GABRG3: variants seen among roughly 807,000 people sequenced by gnomAD.
GABRG3 encodes gamma-aminobutyric acid receptor subunit gamma-3.
GABRG3 carries 25 observed loss-of-function variants against 48.8 expected under a neutral mutation model. The observed-to-expected ratio is 0.51, with a 90% confidence interval of 0.37 to 0.72. GABRG3 has a LOEUF of 0.72. GABRG3 is among the 30% of genes least tolerant of loss of function. The probability of loss-of-function intolerance (pLI) is 0.00; values close to 1 mark genes in which losing one functional copy is unlikely to be tolerated. For synonymous variants in GABRG3, 227 were observed against 217.6 expected (o/e 1.04, Z -0.38); for missense variants, 394 against 577.9 (o/e 0.68, Z 3.26).
At chr15:27,259,000 G>T (rs1890698640) in intron 3 of GABRG3, among the ~76,000 whole-genome samples, 1 of 151,946 alleles carries the variant, frequency 6.6e-6, no homozygotes, top group Non-Finnish European at 1.5e-5. Flanking sequence ...AAAACATGTG[G>T]TATTTATCTG....
rs569831008 is a variant in GABRG3 at position 27,510,213 on chromosome 15, G to A, written c.713-9759G>A. The stretch of plus-strand genomic sequence containing the variant: ...GTGTGGGTGGTTGGATCAAGGGATG[G>A]TGAGATGTTATCTATGTTTGGAGTA... On this transcript the variant is annotated intron_variant, in intron 6 of 9. Coordinates refer to ENST00000615808, the MANE Select transcript of GABRG3 (RefSeq NM_033223.5). Among the ~76,000 whole-genome samples, 3 of 152,292 alleles carry A rather than the reference G, an allele frequency of 2.0e-5. No individual in the cohort carries two copies. In the East Asian group the frequency reaches 5.8e-4, roughly 29 times the overall value.
intron 3 of GABRG3, among the ~76,000 whole-genome samples, chr15:27,119,895 G>C (rs1318598360): frequency 6.6e-6 from 1 of 152,204 alleles, no homozygotes; most frequent in African/African-American, 2.4e-5. Flanking sequence ...GAGCACATCT[G>C]CTAGCAAGGC....
At chr15:27,238,944 A>G (rs1595605641) in intron 3 of GABRG3, among the ~76,000 whole-genome samples, 1 of 152,224 alleles carries the variant, frequency 6.6e-6, no homozygotes, top group African/African-American at 2.4e-5. Flanking sequence ...AACAAACAGA[A>G]ACCAAAATTT....
chr15:27,488,943 A>G (rs1454336942), intron 6 of GABRG3, among the ~76,000 whole-genome samples: 4 of 152,102 alleles, frequency 2.6e-5, no homozygotes, highest in Admixed American at 2.6e-4. Flanking sequence ...GGTTTGTTAC[A>G]TAGGTATACA....
At chr15:27,456,086 C>T (rs1889267226) in intron 5 of GABRG3, among the ~76,000 whole-genome samples, 1 of 152,120 alleles carries the variant, frequency 6.6e-6, no homozygotes, top group South Asian at 2.1e-4. Flanking sequence ...GACTATGGTC[C>T]CGCACTGCTT....
At chr15:27,402,720 A>G (rs566796744) in intron 5 of GABRG3, among the ~76,000 whole-genome samples, 99 of 152,340 alleles carry the variant, frequency 6.5e-4, no homozygotes, top group African/African-American at 2.3e-3. Flanking sequence ...GCCCCAAATT[A>G]TGTTTACAAA....
chr15:27,229,880 G>A (rs993594255), intron 3 of GABRG3, among the ~76,000 whole-genome samples: 4 of 152,194 alleles, frequency 2.6e-5, no homozygotes, highest in African/African-American at 9.6e-5. Context: ...CAGCTATTCA[G>A]GCTCTTTTTT....
chr15:27,268,226 A>G (rs1890980127), intron 3 of GABRG3, among the ~76,000 whole-genome samples: 1 of 152,214 alleles, frequency 6.6e-6, no homozygotes, highest in Admixed American at 6.5e-5. Context: ...AGATATAAAG[A>G]TACTCAGATT....
At chr15:27,088,330 C>T (rs1282700128) in intron 3 of GABRG3, among the ~76,000 whole-genome samples, 2 of 151,718 alleles carry the variant, frequency 1.3e-5, no homozygotes, top group East Asian at 3.9e-4. Flanking sequence ...CGTCCTGGCG[C>T]CTCCAGGGCT....
intron 3 of GABRG3, among the ~76,000 whole-genome samples, chr15:27,246,045 C>T (rs1461041659): frequency 6.6e-6 from 1 of 152,140 alleles, no homozygotes; most frequent in Non-Finnish European, 1.5e-5. Context: ...CTCTTTTAAA[C>T]AGCCAGCTGC....
chr15:27,316,422 A>T (rs984606817), intron 3 of GABRG3, among the ~76,000 whole-genome samples: 1 of 151,356 alleles, frequency 6.6e-6, no homozygotes, highest in Non-Finnish European at 1.5e-5. Context: ...AAAAATGGTT[A>T]AACTGTCTTC....
intron 5 of GABRG3, among the ~76,000 whole-genome samples, chr15:27,416,469 C>T (rs769072090): frequency 1.3e-5 from 2 of 152,190 alleles, no homozygotes; most frequent in African/African-American, 4.8e-5. Flanking sequence ...TAAGAAGAAC[C>T]GATGCTGTGG....
rs1896197675 is a variant in GABRG3 at position 27,390,787 on chromosome 15, C to T, written c.574+61899C>T. 2.0e-5 allele frequency among the ~76,000 whole-genome samples: 3 copies of T among 152,110 alleles called. No individual in the cohort carries two copies. The South Asian group carries it at 6.2e-4, about 32-fold the overall frequency. On this transcript the variant is annotated intron_variant, in intron 5 of 9. Transcript: ENST00000615808. ...TTCTAGGAAGTCTATGGACAGCATT[C>T]TGATAAAAAGACATAATCAGGCCGG... is the stretch of plus-strand genomic sequence containing the variant.
At chr15:27,503,862 G>T (rs563825074) in intron 6 of GABRG3, among the ~76,000 whole-genome samples, 4 of 152,092 alleles carry the variant, frequency 2.6e-5, no homozygotes, top group Non-Finnish European at 5.9e-5. Context: ...CTATTATTAG[G>T]TGCATGAATG....
chr15:27,269,686 T>G (rs888925282), intron 3 of GABRG3, among the ~76,000 whole-genome samples: 1 of 152,214 alleles, frequency 6.6e-6, no homozygotes, highest in Non-Finnish European at 1.5e-5. Flanking sequence ...TGCGTAGTCC[T>G]GACATTAATA....
chr15:27,048,553 G>A (rs1033791137), intron 3 of GABRG3, among the ~76,000 whole-genome samples: 5 of 152,154 alleles, frequency 3.3e-5, no homozygotes, highest in African/African-American at 1.2e-4. Context: ...GTCTTATGAA[G>A]ATCTTAGGTG....
chr15:26,997,273 C>T (rs1895359994), intron 2 of GABRG3, among the ~76,000 whole-genome samples: 1 of 151,988 alleles, frequency 6.6e-6, no homozygotes, highest in South Asian at 2.1e-4. Flanking sequence ...GTTCTTTGAA[C>T]CCATTTAATT....
At chr15:27,491,605 C>T (rs111409707) in intron 6 of GABRG3, among the ~76,000 whole-genome samples, 3 of 152,048 alleles carry the variant, frequency 2.0e-5, no homozygotes, top group African/African-American at 7.2e-5. Flanking sequence ...GCTGATTGGC[C>T]GTAAGACCAG....
intron 8 of GABRG3, 87 bp from the exon 9 acceptor site, chr15:27,527,846 T>G (rs190698741): frequency 8.5e-7 from 1 of 1,169,964 alleles, no homozygotes; most frequent in Non-Finnish European, 1.2e-6. Flanking sequence ...CTTGGTTTAG[T>G]CATACCCTAA....
Sources: allele counts gnomAD v4.1 joint callset (sites outside exome capture counted in the v4.1 genomes callset), GRCh38; gene constraint gnomAD v4.1.1; transcripts MANE v1.5; gene names NCBI Gene and HGNC (gene_info 2026-07-23, HGNC 2026-07-21).